The following FUBP1 variants were observed in gnomAD, a reference collection of about 807,000 sequenced individuals.
FUBP1 encodes the protein far upstream element-binding protein 1.
A neutral mutation model predicts 94.9 loss-of-function variants in FUBP1; 16 were observed. That is an observed-to-expected ratio of 0.17 (90% CI 0.11 to 0.26). The LOEUF is 0.26. FUBP1 is among the 10% of genes least tolerant of loss of function. The pLI is 1.00. For missense variants in FUBP1, 583 were observed against 808.6 expected (o/e 0.72, Z 3.38); for synonymous variants, 279 against 254.9 (o/e 1.09, Z -0.90).
At chr1:77,964,532 T>C in intron 10 of FUBP1, 114 bp downstream of exon 10, 2 of 714,084 alleles carry the variant, frequency 2.8e-6, no homozygotes, top group Non-Finnish European at 4.8e-6. Flanking sequence ...TATTCTAAAG[T>C]ATAAAGGTGA....
At chr1:77,950,266 A>C (rs2102244948) in intron 18 of FUBP1, among the ~76,000 whole-genome samples, 1 of 152,226 alleles carries the variant, frequency 6.6e-6, no homozygotes, top group South Asian at 2.1e-4. Context: ...GGCTCAGGTG[A>C]TCCTCCCACC....
intron 10 of FUBP1, 113 bp downstream of exon 10, chr1:77,964,526 CTAAAGTA>C: frequency 1.4e-6 from 1 of 695,528 alleles, no homozygotes; most frequent in South Asian, 1.9e-5. Flanking sequence ...ATTCTGTATT[CTAAAGTA>C]TAAAGGTGAA....
chr1:77,956,817 G>T, intron 16 of FUBP1, 117 bp from the exon 17 acceptor site: 1 of 567,180 alleles, frequency 1.8e-6, no homozygotes, highest in Non-Finnish European at 2.9e-6. Flanking sequence ...AAATTAACTA[G>T]AACATTAAAA....
intron 14 of FUBP1, 37 bp from the exon 15 acceptor site, chr1:77,960,532 A>T (rs1244853379): frequency 6.5e-7 from 1 of 1,533,320 alleles, no homozygotes; most frequent in South Asian, 1.2e-5. Context: ...AATCAGAAAA[A>T]CACAGTAATG....
In FUBP1 at chr1:77,964,255, TG is replaced by T; in HGVS notation, c.938del (p.Pro313GlnfsTer10). 6.3e-7 allele frequency: 1 copy of T among 1,596,702 alleles called. No homozygotes were observed. The highest frequency in any genetic ancestry group is 8.6e-7 in the Non-Finnish European group (1 of 1,164,942). On this transcript the variant is annotated frameshift_variant and splice_region_variant, in exon 11 of 20. Transcript: ENST00000370768. LOFTEE classifies it high-confidence loss of function. ...NDAGVRIQFK[P>X]DDGTTPERIA... ...TACAAGATTATTATATGTACTCACC[TG>T]GCTTAAACTGAATGCGAACACCAGC... is the stretch of plus-strand genomic sequence containing the variant.
chr1:77,970,024 A>T lies in FUBP1; in HGVS notation c.121-9T>A. ...CCAATTTTTGCTGCAATCTAAAAAA[A>T]AAAAAGAAAAATACCATCATAAACT... is the stretch of plus-strand genomic sequence containing the variant. On this transcript the variant is annotated splice_polypyrimidine_tract_variant and intron_variant, in intron 1 of 19. Transcript: ENST00000370768. The T allele has an allele frequency of 6.8e-7, 1 of 1,475,122 alleles. No homozygotes were observed. The highest frequency in any genetic ancestry group is 9.4e-7 in the Non-Finnish European group (1 of 1,066,798). 91.4% of individuals were successfully genotyped at this position (1,475,122 alleles called of 1,614,324 possible). A position where few individuals can be genotyped will look rare whatever the true frequency, so the allele number is the denominator to read the frequency against.
intron 1 of FUBP1, among the ~76,000 whole-genome samples, chr1:77,978,162 A>AT (rs1443081988): frequency 1.3e-5 from 2 of 152,238 alleles, no homozygotes; most frequent in Non-Finnish European, 2.9e-5. Flanking sequence ...TACACGCACT[A>AT]TTTTAACAGC....
chr1:77,971,117 T>C (rs1486590654), intron 1 of FUBP1, among the ~76,000 whole-genome samples: 1 of 151,816 alleles, frequency 6.6e-6, no homozygotes, highest in African/African-American at 2.4e-5. Context: ...AGATACTTAC[T>C]GAATTTTTCT....
Position 77,964,097 on chromosome 1 carries a change from C to T in FUBP1, c.1006G>A (p.Ala336Thr), listed in dbSNP as rs777836831. The change falls in exon 12 of 20, where the codon GCA becomes ACA. Residue 336 changes from alanine to threonine, a missense_variant. Physicochemically the swap from Ala to Thr is moderately conservative, Grantham distance 58 (BLOSUM62 0). Transcript: ENST00000370768. ...CGAAGAAGGTCTGTAATAATTTCTGCAGCATGTTGACATCGGTCTGGAGGT... is the reference window on the plus strand; with the variant it reads ...CGAAGAAGGTCTGTAATAATTTCTGTAGCATGTTGACATCGGTCTGGAGGT... ...TGPPDRCQHA[A>T]EIITDLLRSV... 6.2e-7 allele frequency: 1 copy of T among 1,601,620 alleles called. No homozygotes were observed. The highest frequency in any genetic ancestry group is 2.2e-5 in the East Asian group (1 of 44,798).
Position 77,948,692 on chromosome 1 carries a change from G to A in FUBP1, c.*74C>T. 3 of 1,536,064 alleles carry A rather than the reference G, an allele frequency of 2.0e-6. No individual in the cohort carries two copies. Among genetic ancestry groups the A allele is most frequent in the Admixed American group, 2.3e-5 (1 of 44,352 alleles). The stretch of plus-strand genomic sequence containing the variant: ...ACAAAATTAAGATCTTCATCAAGTC[G>A]TCTGCATCCATATATTTAACAAAGG... On this transcript the variant is annotated 3_prime_UTR_variant, in exon 20 of 20. Transcript: ENST00000370768.
In FUBP1 at chr1:77,956,571, C is replaced by A; in HGVS notation, c.1705+1G>T. ...TCACATACAATAAGTTCTGTAGTTA[C>A]CTTGTCCATTAGTTTGAGTTGTAGT... On this transcript the variant is annotated splice_donor_variant, in intron 17 of 19. Transcript: ENST00000370768. LOFTEE classifies it high-confidence loss of function. 6.2e-7 allele frequency: 1 copy of A among 1,611,636 alleles called. No individual in the cohort carries two copies. Among genetic ancestry groups the A allele is most frequent in the Non-Finnish European group, 8.5e-7 (1 of 1,177,982 alleles).
At position 77,969,925 on chromosome 1, in the gene FUBP1, C is replaced by G. The variant is rs756305417; in HGVS notation, c.211G>C (p.Asp71His). 7.1e-7 allele frequency: 1 copy of G among 1,401,252 alleles called. No homozygotes were observed. The highest frequency in any genetic ancestry group is 1.0e-6 in the Non-Finnish European group (1 of 994,700). 86.8% of individuals were successfully genotyped at this position (1,401,252 alleles called of 1,614,324 possible). The change falls in exon 2 of 20, where the codon GAT (aspartate) becomes CAT (histidine). Residue 71 changes from aspartate (D) to histidine (H), a missense_variant and splice_region_variant. Coordinates refer to ENST00000370768, the MANE Select transcript of FUBP1 (RefSeq NM_003902.5). ...GGQKRPLEDG[D>H]QPDAKKVAPQ... is the part of the protein sequence containing the mutation. ...TTAAAATACTTAGAGTATAACTTAC[C>G]TCCATCTTCTAAAGGTCTTTTTTGT...
In FUBP1 at chr1:77,962,858, T is replaced by C; in HGVS notation, c.1256A>G (p.Asn419Ser). ...RIELQRNPPP[N>S]ADPNMKLFTI... ...AAATAACTTCATATTAGGATCTGCA[T>C]TTGGTGGAGGATTTCTCTGAAGTTC... Residue 419 changes from asparagine (N) to serine (S), a missense_variant, in exon 14 of 20, where the codon AAT becomes AGT. Coordinates refer to ENST00000370768, the MANE Select transcript of FUBP1 (RefSeq NM_003902.5). 6.2e-7 allele frequency: 1 copy of C among 1,612,186 alleles called. No homozygotes were observed. The highest frequency in any genetic ancestry group is 1.1e-5 in the South Asian group (1 of 91,034).
intron 3 of FUBP1, 67 bp downstream of exon 3, chr1:77,968,098 T>C (rs1208715272): frequency 1.1e-5 from 11 of 1,028,192 alleles, no homozygotes; most frequent in Non-Finnish European, 1.6e-5. Context: ...TACCCAATAA[T>C]ATGAACAAAA....
At chr1:77,965,526 C>T (rs548881334) in intron 7 of FUBP1, among the ~76,000 whole-genome samples, 1 of 152,262 alleles carries the variant, frequency 6.6e-6, no homozygotes, top group Admixed American at 6.5e-5. Context: ...TAAACTGATT[C>T]TTCCAAGAAC....
Position 77,945,906 on chromosome 1 carries a change from A to C in FUBP1, c.*2860T>G, listed in dbSNP as rs978148735. On this transcript the variant is annotated 3_prime_UTR_variant, in exon 20 of 20. Transcript: ENST00000370768. ...ATCAGAAAAATACTGATTGCTACAGATTATGAAAGGTTATTTGCTATACAG... is the reference window on the plus strand; with the variant it reads ...ATCAGAAAAATACTGATTGCTACAGCTTATGAAAGGTTATTTGCTATACAG... 4.8e-6 allele frequency: 1 copy of C among 208,710 alleles called. No homozygotes were observed. Among genetic ancestry groups the C allele is most frequent in the Non-Finnish European group, 9.8e-6 (1 of 102,498 alleles). 12.9% of individuals were successfully genotyped at this position (208,710 alleles called of 1,614,324 possible).
chr1:77,972,954 G>A (rs549777309), intron 1 of FUBP1, among the ~76,000 whole-genome samples: 12 of 150,554 alleles, frequency 8.0e-5, no homozygotes. Flanking sequence ...CAGAAGCTGA[G>A]ATGGGAGAAC....
chr1:77,977,876 A>C (rs188128225), intron 1 of FUBP1, among the ~76,000 whole-genome samples: 21 of 152,302 alleles, frequency 1.4e-4, no homozygotes, highest in African/African-American at 5.1e-4. Context: ...TCTAATTTTG[A>C]CTCAATGTTC....
Position 77,962,800 on chromosome 1 carries a change from A to G in FUBP1, c.1314T>C (p.Tyr438=). The stretch of plus-strand genomic sequence containing the variant: ...TCTTTTCTTCTATGAGTTGCCGAGC[A>G]TAGTCTATCTGTTGTGGAGTGCCAC... The part of the protein sequence containing the change: ...TIRGTPQQID[Y]ARQLIEEKIG... The change falls in exon 14 of 20, where the codon TAT becomes TAC. Residue 438 remains tyrosine, a synonymous_variant. Transcript: ENST00000370768. 1 of 1,612,480 alleles carries G rather than the reference A, an allele frequency of 6.2e-7. No individual in the cohort carries two copies. The highest frequency in any genetic ancestry group is 1.1e-5 in the South Asian group (1 of 90,926).
Sources: allele counts gnomAD v4.1 joint callset (sites outside exome capture counted in the v4.1 genomes callset), GRCh38; gene constraint gnomAD v4.1.1; transcripts MANE v1.5; gene names NCBI Gene and HGNC (gene_info 2026-07-23, HGNC 2026-07-21).